PAX7: variants seen among roughly 807,000 people sequenced by gnomAD.
PAX7 encodes paired box 7.
PAX7 carries 18 observed loss-of-function variants against 50.7 expected under a neutral mutation model. The observed-to-expected ratio is 0.36, with a 90% CI of 0.25 to 0.53. PAX7 has a LOEUF of 0.53. Among genes scored for constraint, PAX7 ranks in the 20% least tolerant of loss-of-function variants. The pLI is 0.93. For missense variants in PAX7, 644 were observed against 702.9 expected (o/e 0.92, Z 0.95); for synonymous variants, 310 against 290.4 (o/e 1.07, Z -0.69).
At chr1:18,637,412 C>G (rs573164532) in intron 4 of PAX7, among the ~76,000 whole-genome samples, 6 of 152,152 alleles carry the variant, frequency 3.9e-5, no homozygotes, top group Non-Finnish European at 8.8e-5. Context: ...CAAACACATA[C>G]GCGGAGAGGC....
At position 18,725,999 on chromosome 1, in the gene PAX7, C is replaced by CGCGCGCGT. The variant is rs1355938588; in HGVS notation, c.1156-9623_1156-9616dup. On this transcript the variant is annotated intron_variant, in intron 7 of 8. Coordinates refer to ENST00000420770, the MANE Select transcript of PAX7 (RefSeq NM_001135254.2). ...GGAAGAGTGTGTGTGTGTGTGCGCG[C>CGCGCGCGT]GCGCGCGTGCGCGCGTGTGTGTGCG... 4.8e-4 allele frequency among the ~76,000 whole-genome samples: 56 copies of CGCGCGCGT among 116,114 alleles called. 1 individual carries two copies. The highest frequency in any genetic ancestry group is 9.5e-4 in the Non-Finnish European group (49 of 51,664). 76.2% of individuals were successfully genotyped at this position (116,114 alleles called of 152,430 possible).
intron 4 of PAX7, among the ~76,000 whole-genome samples, chr1:18,644,673 G>A (rs1432880666): frequency 6.6e-6 from 1 of 152,092 alleles, no homozygotes; most frequent in Non-Finnish European, 1.5e-5. Context: ...AGGACATGGG[G>A]CGGAGGGGCA....
At chr1:18,708,528 C>T (rs1488069174) in intron 7 of PAX7, among the ~76,000 whole-genome samples, 1 of 151,988 alleles carries the variant, frequency 6.6e-6, no homozygotes, top group Non-Finnish European at 1.5e-5. Context: ...GTGCGCCAGC[C>T]TAGGCGACAG....
chr1:18,742,434 G>T (rs758016187), intron 8 of PAX7, among the ~76,000 whole-genome samples: 7 of 152,180 alleles, frequency 4.6e-5, no homozygotes, highest in Non-Finnish European at 8.8e-5. Context: ...GGGATTACAG[G>T]CATGAGCCAC....
intron 7 of PAX7, among the ~76,000 whole-genome samples, chr1:18,712,286 A>C (rs546229940): frequency 3.3e-5 from 5 of 151,986 alleles, no homozygotes; most frequent in Admixed American, 3.3e-4. Context: ...CAGTTAACCC[A>C]CCTCAGTGGG....
intron 4 of PAX7, among the ~76,000 whole-genome samples, chr1:18,654,221 C>G (rs1458701903): frequency 6.6e-6 from 1 of 151,984 alleles, no homozygotes; most frequent in Non-Finnish European, 1.5e-5. Flanking sequence ...GCTCCACACT[C>G]CTGGCTGAAA....
chr1:18,633,866 G>A (rs1007198816), intron 1 of PAX7, among the ~76,000 whole-genome samples: 6 of 152,240 alleles, frequency 3.9e-5, no homozygotes, highest in Non-Finnish European at 5.9e-5. Context: ...TCTCCAAGAC[G>A]CAGGCAGGCC....
chr1:18,634,522 G>A lies in PAX7; in HGVS notation c.305G>A (p.Gly102Asp). ...GGGTCCATCCGGCCTGGGGCCATCG[G>A]CGGCAGCAAGCCCAGAGTGAGTGTC... ...ETGSIRPGAI[G>D]GSKPRQVATP... Residue 102 changes from glycine (G) to aspartate (D), a missense_variant, in exon 2 of 9, where the codon GGC (glycine) becomes GAC (aspartate). By Grantham distance (94) the Gly-to-Asp change is moderately conservative. Transcript: ENST00000420770. The surrounding 1 kb of genome is among the most constrained non-coding windows in gnomAD (Gnocchi z 4.0). The A allele has an allele frequency of 6.2e-7, 1 of 1,613,930 alleles. No homozygotes were observed. The highest frequency in any genetic ancestry group is 1.1e-5 in the South Asian group (1 of 91,086).
At chr1:18,720,374 C>A (rs115064137) in intron 7 of PAX7, among the ~76,000 whole-genome samples, 45 of 152,212 alleles carry the variant, frequency 3.0e-4, no homozygotes, top group African/African-American at 1.1e-3. Flanking sequence ...GAGGTGGCTG[C>A]GTTTCTGTAC....
At chr1:18,638,545 G>C (rs1030155891) in intron 4 of PAX7, among the ~76,000 whole-genome samples, 5 of 152,200 alleles carry the variant, frequency 3.3e-5, no homozygotes, top group African/African-American at 9.6e-5. Flanking sequence ...CAGTTTTTGC[G>C]TGACAGTGGG....
At chr1:18,718,306 C>T (rs2089452462) in intron 7 of PAX7, among the ~76,000 whole-genome samples, 1 of 152,152 alleles carries the variant, frequency 6.6e-6, no homozygotes. Flanking sequence ...GCCATACCTG[C>T]CAAAAGGATT....
chr1:18,716,681 A>C (rs1570218347), intron 7 of PAX7, among the ~76,000 whole-genome samples: 1 of 141,214 alleles, frequency 7.1e-6, no homozygotes, highest in Non-Finnish European at 1.5e-5. Flanking sequence ...CTCTCCACCC[A>C]CTCCATTCTC....
chr1:18,663,038 T>C (rs2088622500), intron 4 of PAX7, among the ~76,000 whole-genome samples: 1 of 152,218 alleles, frequency 6.6e-6, no homozygotes. Context: ...TAGATGTTTC[T>C]CCACAGAGAA....
chr1:18,737,547 AT>A (rs1930827269), intron 8 of PAX7, among the ~76,000 whole-genome samples: 1 of 152,252 alleles, frequency 6.6e-6, no homozygotes, highest in Non-Finnish European at 1.5e-5. Context: ...GTGTGTGTGC[AT>A]GTGATGCTTC....
At chr1:18,671,715 G>T (rs1474055487) in intron 4 of PAX7, among the ~76,000 whole-genome samples, 1 of 152,118 alleles carries the variant, frequency 6.6e-6, no homozygotes, top group Non-Finnish European at 1.5e-5. Context: ...CAGGCCTGGT[G>T]GTTCATACCT....
In PAX7 at chr1:18,636,842, T is replaced by C. The variant is rs937199186; in HGVS notation, c.586+471T>C. Among the ~76,000 whole-genome samples the C allele has an allele frequency of 1.6e-4, 25 of 151,968 alleles. No individual in the cohort carries two copies. Among genetic ancestry groups the C allele is most frequent in the Admixed American group, 1.5e-3 (23 of 15,274 alleles). On this transcript the variant is annotated intron_variant, in intron 4 of 8. Coordinates refer to ENST00000420770, the MANE Select transcript of PAX7 (RefSeq NM_001135254.2). The surrounding 1 kb of genome is among the most constrained non-coding windows in gnomAD (Gnocchi z 5.1). ...ATTTGTTAACCAGACCCCCACACGC[T>C]CTCTAAACGGTCCCTTGAAACCCCG...
At chr1:18,727,308 CACAT>C (rs2089584776) in intron 7 of PAX7, among the ~76,000 whole-genome samples, 2 of 151,512 alleles carry the variant, frequency 1.3e-5, no homozygotes, top group Admixed American at 6.6e-5. Context: ...ACAGTACTCA[CACAT>C]GCACACACAG....
chr1:18,668,528 C>T lies in PAX7; in HGVS notation c.587-23226C>T, dbSNP rs192657633. ...CAATCCCTAGCAACATAGTGAGACC[C>T]CATCTTTACAAAAAATTTAAAAAAA... On this transcript the variant is annotated intron_variant, in intron 4 of 8. Coordinates refer to ENST00000420770, the MANE Select transcript of PAX7 (RefSeq NM_001135254.2). Among the ~76,000 whole-genome samples, 671 of 152,168 alleles carry T rather than the reference C, an allele frequency of 4.4e-3. 2 individuals are homozygous for T. Among genetic ancestry groups the T allele is most frequent in the Middle Eastern group, 0.02 (6 of 294 alleles).
chr1:18,725,341 G>A (rs537780858), intron 7 of PAX7, among the ~76,000 whole-genome samples: 5 of 148,138 alleles, frequency 3.4e-5, no homozygotes, highest in Admixed American at 2.7e-4. Context: ...GGCCAGGGGG[G>A]CCTGAGAGCC....
Sources: allele counts gnomAD v4.1 joint callset (sites outside exome capture counted in the v4.1 genomes callset), GRCh38; gene constraint gnomAD v4.1.1; non-coding constraint Gnocchi (gnomAD v3.1); transcripts MANE v1.5; gene names NCBI Gene and HGNC (gene_info 2026-07-23, HGNC 2026-07-21).